RESP18: variants seen among roughly 807,000 people sequenced by gnomAD.
RESP18 encodes the protein regulated endocrine-specific protein 18.
RESP18 carries 30 observed loss-of-function variants against 30.0 expected under a neutral mutation model. The observed-to-expected ratio is 1.00, with a 90% CI of 0.75 to 1.36. The LOEUF (loss-of-function observed/expected upper bound fraction) is 1.36, where lower values mean the gene tolerates loss of function less well. Ranked by LOEUF, RESP18 falls within the 40% of genes most tolerant of loss-of-function variation. The pLI is 0.00. For missense variants in RESP18, 320 were observed against 284.2 expected (o/e 1.13, Z -0.91); for synonymous variants, 117 against 111.2 (o/e 1.05, Z -0.33).
intron 4 of RESP18, 64 bp downstream of exon 3, chr2:219,329,573 T>C: frequency 6.5e-7 from 1 of 1,546,314 alleles, no homozygotes; most frequent in Non-Finnish European, 8.7e-7. Flanking sequence ...TTAGCACACA[T>C]TCCTTCCCTG....
intron 3 of RESP18, among the ~76,000 whole-genome samples, chr2:219,330,077 GTCTGTTAAAATACA>G (rs1184305992): frequency 2.6e-5 from 4 of 152,166 alleles, no homozygotes; most frequent in Admixed American, 2.6e-4. Flanking sequence ...CTCCTGCAAG[GTCTGTTAAAATACA>G]GACTGCTGTT....
At chr2:219,329,133 C>G in intron 5 of RESP18, 30 bp downstream of exon 4, 1 of 1,541,060 alleles carries the variant, frequency 6.5e-7, no homozygotes, top group Non-Finnish European at 8.8e-7. Flanking sequence ...TAAACAGGTC[C>G]AACCTCCCTA....
intron 3 of RESP18, 34 bp from the exon 3 acceptor site, chr2:219,329,798 C>T: frequency 1.9e-6 from 3 of 1,540,782 alleles, no homozygotes; most frequent in Non-Finnish European, 2.6e-6. Flanking sequence ...TGAGTTGACA[C>T]CTGAGACACT....
intron 4 of RESP18, 48 bp from the exon 4 acceptor site, chr2:219,329,300 G>C: frequency 6.4e-7 from 1 of 1,551,708 alleles, no homozygotes; most frequent in African/African-American, 1.4e-5. Context: ...AAAAGGGTGA[G>C]AGGGCCCCAC....
intron 6 of RESP18, 61 bp from the exon 6 acceptor site, chr2:219,327,624 T>C: frequency 7.3e-7 from 1 of 1,368,484 alleles, no homozygotes; most frequent in Non-Finnish European, 1.0e-6. Flanking sequence ...TCCTCCCTCA[T>C]CTGCCCTCCT....
chr2:219,329,292 A>C, intron 4 of RESP18, 40 bp from the exon 4 acceptor site: 1 of 1,551,740 alleles, frequency 6.4e-7, no homozygotes, highest in Non-Finnish European at 8.7e-7. Context: ...GGAGGCAGAA[A>C]AGGGTGAGAG....
intron 5 of RESP18, 57 bp from the exon 5 acceptor site, chr2:219,329,065 G>C (rs368642875): frequency 6.8e-7 from 1 of 1,481,154 alleles, no homozygotes; most frequent in African/African-American, 1.4e-5. Context: ...AATCTTTTCT[G>C]CAGCGATCTG....
chr2:219,331,846 G>T (rs1877867), intron 2 of RESP18, among the ~76,000 whole-genome samples: 65,485 of 152,206 alleles, frequency 0.43, 19,141 homozygotes, highest in African/African-American at 0.83. Flanking sequence ...CTTCCCCACG[G>T]CCCTCATCCT....
At chr2:219,329,077 C>A in intron 5 of RESP18, 69 bp from the exon 5 acceptor site, 1 of 1,470,828 alleles carries the variant, frequency 6.8e-7, no homozygotes, top group Non-Finnish European at 9.3e-7. Context: ...AGCGATCTGC[C>A]CTCACCTCAA....
intron 1 of RESP18, chr2:219,333,107 A>ATATATAATAT (rs1952851831): frequency 8.1e-7 from 1 of 1,241,424 alleles, no homozygotes; most frequent in Non-Finnish European, 1.1e-6. Context: ...TGCTATATAT[A>ATATATAATAT]TATATATAAT....
Position 219,333,161 on chromosome 2 carries a change from T to G in RESP18, c.17A>C (p.Glu6Ala). 4 of 1,536,020 alleles carry G rather than the reference T, an allele frequency of 2.6e-6. No homozygotes were observed. Among genetic ancestry groups the G allele is most frequent in the Non-Finnish European group, 3.5e-6 (4 of 1,139,754 alleles). The change falls in exon 1 of 7, where the codon GAA becomes GCA. Residue 6 changes from glutamate (E) to alanine (A), a missense_variant and splice_region_variant. Physicochemically the swap from Glu to Ala is moderately radical, Grantham distance 107. Transcript: ENST00000333527. ...TATATGGCACATCCATCCACTTTAC[T>G]CCACATCCACTGCCATCGCCTTGGT...
At chr2:219,330,970 AC>A in intron 2 of RESP18, 95 bp from the exon 2 acceptor site, 1 of 737,038 alleles carries the variant, frequency 1.4e-6, no homozygotes, top group African/African-American at 1.7e-5. Context: ...TCACTCCTGG[AC>A]CCCTGACCTC....
At chr2:219,331,021 C>G (rs1361130961) in intron 2 of RESP18, 146 bp from the exon 2 acceptor site, 2 of 568,944 alleles carry the variant, frequency 3.5e-6, no homozygotes, top group African/African-American at 3.8e-5. Flanking sequence ...TTCAAGTCTT[C>G]TTTAATTTTT....
chr2:219,332,600 G>A lies in RESP18; in HGVS notation c.156C>T (p.Ser52=). Reference sequence around the variant, plus strand: ...AGCAGACAAGCAGCTGGAGCCCCTCGGAGCTCCCAGGCCACAGTGGGTGCT... The same window carrying A: ...AGCAGACAAGCAGCTGGAGCCCCTCAGAGCTCCCAGGCCACAGTGGGTGCT... Residue 52 remains serine, a synonymous_variant, in exon 2 of 7, where the codon TCC becomes TCT. Coordinates refer to ENST00000333527, the MANE Select transcript of RESP18 (RefSeq NM_001007089.4). 1 of 1,551,394 alleles carries A rather than the reference G, an allele frequency of 6.4e-7. No individual in the cohort carries two copies. Among genetic ancestry groups the A allele is most frequent in the South Asian group, 1.2e-5 (1 of 84,068 alleles).
At chr2:219,330,567 C>T (rs914937911) in intron 3 of RESP18, among the ~76,000 whole-genome samples, 20 of 150,666 alleles carry the variant, frequency 1.3e-4, no homozygotes, top group Admixed American at 4.6e-4. Flanking sequence ...CTTTACTGGG[C>T]TCTTCCAAGG....
chr2:219,328,802 A>C, intron 6 of RESP18, 122 bp downstream of exon 5: 1 of 650,442 alleles, frequency 1.5e-6, no homozygotes, highest in South Asian at 1.9e-5. Flanking sequence ...TCTGAGCTGC[A>C]CCTCCCATTC....
rs528565827 is a variant in RESP18 at position 219,330,754 on chromosome 2, C to T, written c.337+17G>A. 4.0e-6 allele frequency: 6 copies of T among 1,509,590 alleles called. No homozygotes were observed. In the Admixed American group the frequency reaches 1.2e-4, roughly 30 times the overall value. 93.5% of individuals were successfully genotyped at this position (1,509,590 alleles called of 1,614,324 possible). ...CTCTAACCAGGCCCCAACCTCTGTT[C>T]TCCAGCTTTTACTTACCTTGGGGTA... On this transcript the variant is annotated intron_variant, in intron 3 of 6. Coordinates refer to ENST00000333527, the MANE Select transcript of RESP18 (RefSeq NM_001007089.4).
chr2:219,332,791 C>A, intron 1 of RESP18, 47 bp from the exon 1 acceptor site: 1 of 1,386,504 alleles, frequency 7.2e-7, no homozygotes, highest in South Asian at 1.4e-5. Context: ...CCTGCCCCTG[C>A]GGTCGCCTCC....
At position 219,329,635 on chromosome 2, in the gene RESP18, A is replaced by G. The variant is rs1425923702; in HGVS notation, c.465+2T>C. 24 of 1,551,228 alleles carry G rather than the reference A, an allele frequency of 1.5e-5. No homozygotes were observed. Among genetic ancestry groups the G allele is most frequent in the Non-Finnish European group, 1.9e-5 (22 of 1,146,962 alleles). On this transcript the variant is annotated splice_donor_variant, in intron 4 of 6. Transcript: ENST00000333527. LOFTEE classifies it high-confidence loss of function. Reference sequence around the variant, plus strand: ...AATGACCACAGGCCTCATGCACCTCACCTCAGTGGTTTTAGTGGGGAAAAG... The same window carrying G: ...AATGACCACAGGCCTCATGCACCTCGCCTCAGTGGTTTTAGTGGGGAAAAG...
Sources: gnomAD v4.1 joint callset for allele counts (sites outside exome capture counted in the v4.1 genomes callset) on GRCh38, gnomAD v4.1.1 for gene constraint, MANE v1.5 for transcripts, NCBI Gene and HGNC (gene_info 2026-07-23, HGNC 2026-07-21) for gene names.